Variants in FGF13 observed in about 807,000 individuals in gnomAD.
FGF13 encodes fibroblast growth factor homologous factor 2.
Under a neutral mutation model 19.5 loss-of-function variants are expected in FGF13, and 2 were observed. The ratio of observed to expected loss-of-function variants is 0.10; its 90% CI spans 0.04 to 0.32. The LOEUF is 0.32. FGF13 is among the 10% of genes least tolerant of loss of function. FGF13 has a pLI of 1.00. For synonymous variants in FGF13, 72 were observed against 76.9 expected (o/e 0.94, Z 0.33); for missense variants, 113 against 192.7 (o/e 0.59, Z 2.45).
chrX:139,037,464 A>C (rs2092254413), intron 1 of FGF13, among the ~76,000 whole-genome samples: 1 of 111,739 alleles, frequency 8.9e-6, no homozygotes, highest in Non-Finnish European at 1.9e-5. Flanking sequence ...TCTGAAAACA[A>C]CACAAATTTA....
At chrX:138,665,554 C>T (rs1452398747) in intron 3 of FGF13, among the ~76,000 whole-genome samples, 3 of 111,457 alleles carry the variant, frequency 2.7e-5, no homozygotes, top group Non-Finnish European at 3.8e-5. Context: ...ATATCAAAAG[C>T]GTCTAGCGTA....
intron 3 of FGF13, among the ~76,000 whole-genome samples, chrX:138,775,453 G>A (rs751977693): frequency 8.6e-4 from 96 of 111,865 alleles, no homozygotes; most frequent in African/African-American, 3.0e-3. Context: ...GACTTGGGGT[G>A]TCTACAACAC....
At chrX:138,717,063 T>C (rs1291775129) in intron 1 of FGF13, among the ~76,000 whole-genome samples, 1 of 112,488 alleles carries the variant, frequency 8.9e-6, no homozygotes, top group Non-Finnish European at 1.9e-5. Context: ...TCAGTCATAA[T>C]TTATGAACAT....
chrX:138,997,985 T>G (rs1237609410), intron 1 of FGF13, among the ~76,000 whole-genome samples: 1 of 111,805 alleles, frequency 8.9e-6, no homozygotes, highest in Non-Finnish European at 1.9e-5. Context: ...ACAGCAGACC[T>G]CTCTGCAGAA....
intron 1 of FGF13, among the ~76,000 whole-genome samples, chrX:138,980,717 C>A (rs1303844756): frequency 2.0e-5 from 2 of 99,099 alleles, no homozygotes; most frequent in East Asian, 6.6e-4. Context: ...GCAAGGAAAG[C>A]ATAGAAGAAA....
intron 1 of FGF13, among the ~76,000 whole-genome samples, chrX:139,163,084 C>T (rs1200954313): frequency 8.9e-6 from 1 of 112,118 alleles, no homozygotes; most frequent in Non-Finnish European, 1.9e-5. Flanking sequence ...TATAAAGACA[C>T]ATGCACACGT....
intron 1 of FGF13, among the ~76,000 whole-genome samples, chrX:138,998,721 C>T (rs747821469): frequency 9.0e-6 from 1 of 111,188 alleles, no homozygotes; most frequent in East Asian, 2.9e-4. Context: ...CTTAGACTCC[C>T]ACACAATAAT....
chrX:138,732,446 A>T (rs1181672468), intron 1 of FGF13, among the ~76,000 whole-genome samples: 1 of 111,879 alleles, frequency 8.9e-6, no homozygotes, highest in African/African-American at 3.2e-5. Context: ...AAATAGGTGA[A>T]TTTCACAAAC....
At chrX:139,002,893 A>G (rs1272736899) in intron 1 of FGF13, among the ~76,000 whole-genome samples, 1 of 111,993 alleles carries the variant, frequency 8.9e-6, no homozygotes, top group Non-Finnish European at 1.9e-5. Flanking sequence ...GAAGTATACT[A>G]TAGGCCTTGC....
rs755822837 is a variant in FGF13 at position 139,048,106 on chromosome X, G to A, written c.-113+155310C>T. Among the ~76,000 whole-genome samples the A allele has an allele frequency of 2.5e-4, 28 of 110,735 alleles. 1 individual carries two copies. The highest frequency in any genetic ancestry group is 4.4e-4 in the Non-Finnish European group (23 of 52,841). On this transcript the variant is annotated intron_variant, in intron 1 of 2. Coordinates refer to the FGF13 transcript ENST00000421460. ...ACAGACATATACATATTTTTATACC[G>A]TTTTCTAATACTTCAGTAGTTCTTT...
At chrX:138,801,664 T>G (rs2090830348) in intron 3 of FGF13, among the ~76,000 whole-genome samples, 1 of 111,632 alleles carries the variant, frequency 9.0e-6, no homozygotes, top group African/African-American at 3.3e-5. Flanking sequence ...ACGTTTAAGT[T>G]TGCTGAACCT....
intron 3 of FGF13, among the ~76,000 whole-genome samples, chrX:138,762,249 T>C (rs912802050): frequency 9.0e-6 from 1 of 111,430 alleles, no homozygotes; most frequent in African/African-American, 3.3e-5. Context: ...TTTGGCTTGA[T>C]ACCAACTTCC....
At chrX:138,959,529 T>A (rs188168364) in intron 1 of FGF13, among the ~76,000 whole-genome samples, 11 of 111,867 alleles carry the variant, frequency 9.8e-5, no homozygotes, top group Admixed American at 2.8e-4. Context: ...TATAGCTGTC[T>A]ATTAGGTCTG....
In FGF13 at chrX:138,627,175, G is replaced by A. The variant is rs964361745; in HGVS notation, c.*5675C>T. 4.5e-5 allele frequency: 5 copies of A among 111,492 alleles called. No individual in the cohort carries two copies. The highest frequency in any genetic ancestry group is 1.6e-4 in the African/African-American group (5 of 30,672). The allele number at this position is 111,492 out of a possible 1,213,427, so 9.2% of individuals were successfully genotyped here. ...TCAATCCATTTATCTTTGTGTGAAT[G>A]CTTTATCCAGGCCTCAGTAATGTGC... is the stretch of plus-strand genomic sequence containing the variant. On this transcript the variant is annotated 3_prime_UTR_variant, in exon 5 of 5. Transcript: ENST00000315930.
At chrX:139,151,546 T>G (rs974523335) in intron 1 of FGF13, among the ~76,000 whole-genome samples, 4 of 112,168 alleles carry the variant, frequency 3.6e-5, no homozygotes, top group Non-Finnish European at 7.5e-5. Flanking sequence ...TATCAAGCAG[T>G]AGTTAAATGT....
chrX:138,909,526 G>C (rs2091576292), intron 1 of FGF13, among the ~76,000 whole-genome samples: 1 of 111,802 alleles, frequency 8.9e-6, no homozygotes, highest in African/African-American at 3.3e-5. Context: ...AGGTAACATT[G>C]GCTTCTGATT....
chrX:138,737,199 G>A (rs751497312), intron 1 of FGF13, among the ~76,000 whole-genome samples: 7 of 111,236 alleles, frequency 6.3e-5, no homozygotes, highest in Admixed American at 9.6e-5. Context: ...CTTTTGAAAT[G>A]AGTTCTTTAG....
At chrX:138,957,953 C>T (rs1443872988) in intron 1 of FGF13, among the ~76,000 whole-genome samples, 2 of 111,867 alleles carry the variant, frequency 1.8e-5, no homozygotes, top group Admixed American at 1.9e-4. Flanking sequence ...TCTAAATATC[C>T]AATCATGTCA....
intron 1 of FGF13, among the ~76,000 whole-genome samples, chrX:139,050,114 C>T (rs759959393): frequency 6.4e-4 from 71 of 111,337 alleles, no homozygotes; most frequent in Non-Finnish European, 1.2e-3. Flanking sequence ...GAGTCAAAAG[C>T]CTGCTCTCAA....
Sources: gnomAD v4.1 joint callset for allele counts (sites outside exome capture counted in the v4.1 genomes callset) on GRCh38, gnomAD v4.1.1 for gene constraint, MANE v1.5 for transcripts, NCBI Gene and HGNC (gene_info 2026-07-23, HGNC 2026-07-21) for gene names.